RMC1: variants seen among roughly 807,000 people sequenced by gnomAD.
RMC1 encodes the protein regulator of MON1-CCZ1.
In RMC1, 44 loss-of-function variants were observed where a neutral mutation model predicts 95.5. That is an observed-to-expected ratio of 0.46 (90% confidence interval 0.36 to 0.59). RMC1 has a LOEUF of 0.59. RMC1 is among the 20% of genes least tolerant of loss of function. RMC1 has a pLI of 0.00. For missense variants in RMC1, 705 were observed against 819.6 expected (o/e 0.86, Z 1.71); for synonymous variants, 320 against 303.6 (o/e 1.05, Z -0.56).
Position 23,531,756 on chromosome 18 carries a change from A to AT in RMC1, c.*54dup. On this transcript the variant is annotated 3_prime_UTR_variant, in exon 20 of 20. Transcript: ENST00000269221. Reference sequence around the variant, plus strand: ...AATGTGTACAAAGTTAATTTATTGCATTAATAAAGCTCTTTAAACTATAAA... The same window carrying AT: ...AATGTGTACAAAGTTAATTTATTGCATTTAATAAAGCTCTTTAAACTATAAA... 1 of 1,585,964 alleles carries AT rather than the reference A, an allele frequency of 6.3e-7. No homozygotes were observed. Among genetic ancestry groups the AT allele is most frequent in the African/African-American group, 1.4e-5 (1 of 73,300 alleles).
chr18:23,503,745 C>T (rs755615292), intron 1 of RMC1, 25 bp downstream of exon 1: 4 of 1,576,252 alleles, frequency 2.5e-6, no homozygotes, highest in Non-Finnish European at 3.4e-6. Context: ...CGCTTCCTCC[C>T]CCGCGCGGCC....
At chr18:23,529,831 C>T in intron 16 of RMC1, 119 bp downstream of exon 16, 1 of 1,120,826 alleles carries the variant, frequency 8.9e-7, no homozygotes, top group East Asian at 2.3e-5. Context: ...ACTCAGAATG[C>T]TGAGTGACTC....
intron 1 of RMC1, 26 bp downstream of exon 1, chr18:23,503,746 C>CG (rs2057648705): frequency 1.3e-6 from 2 of 1,578,156 alleles, no homozygotes; most frequent in African/African-American, 2.8e-5. Flanking sequence ...GCTTCCTCCC[C>CG]CGCGCGGCCC....
intron 13 of RMC1, among the ~76,000 whole-genome samples, chr18:23,527,345 GC>G (rs1381025755): frequency 3.9e-5 from 6 of 151,916 alleles, no homozygotes; most frequent in African/African-American, 1.5e-4. Flanking sequence ...GCTGCAGCGA[GC>G]CGTTTGTGTC....
intron 10 of RMC1, chr18:23,522,853 G>A (rs2058180184): frequency 6.8e-6 from 1 of 147,594 alleles, no homozygotes; most frequent in Admixed American, 6.9e-5. Flanking sequence ...ATGCATCCGT[G>A]TGTCTTGCCC....
Position 23,529,232 on chromosome 18 carries a change from G to C in RMC1, c.1350G>C (p.Arg450=). The C allele has an allele frequency of 1.2e-6, 2 of 1,614,102 alleles. No individual in the cohort carries two copies. Among genetic ancestry groups the C allele is most frequent in the Middle Eastern group, 1.7e-4 (1 of 6,060 alleles). The change falls in exon 15 of 20, where the codon CGG becomes CGC. Residue 450 remains arginine (R), a synonymous_variant. Transcript: ENST00000269221. ...RSSPLLKRPV[R]TQAVLDQSDV... ...GCCCGCTCCTCAAGAGGCCGGTGCG[G>C]ACCCAGGCGGTGCTGGACCAGTCAG...
Position 23,503,861 on chromosome 18 carries a change from C to T in RMC1, c.102+141C>T, listed in dbSNP as rs1295149022. 7 of 695,842 alleles carry T rather than the reference C, an allele frequency of 1.0e-5. No individual in the cohort carries two copies. The South Asian group carries it at 1.4e-4, about 14-fold the overall frequency. 43.1% of individuals were successfully genotyped at this position (695,842 alleles called of 1,614,324 possible). A position where few individuals can be genotyped will look rare whatever the true frequency, so the allele number is the denominator to read the frequency against. On this transcript the variant is annotated intron_variant, in intron 1 of 19. Transcript: ENST00000269221. ...CCAGCGCGGGAGGCGGCGCGCGCTC[C>T]TTCCTTGTTGGGTGGGCTCAGCCGC...
chr18:23,529,618 C>G lies in RMC1; in HGVS notation c.1417-17C>G. ...CACCTCGTTGGTATTTGTAAGACCACATTTTTTTCTCCCTAGGAGATGCCT... is the reference window on the plus strand; with the variant it reads ...CACCTCGTTGGTATTTGTAAGACCAGATTTTTTTCTCCCTAGGAGATGCCT... On this transcript the variant is annotated splice_polypyrimidine_tract_variant and intron_variant, in intron 15 of 19. Coordinates refer to ENST00000269221, the MANE Select transcript of RMC1 (RefSeq NM_013326.5). 1 of 1,610,268 alleles carries G rather than the reference C, an allele frequency of 6.2e-7. No homozygotes were observed. Among genetic ancestry groups the G allele is most frequent in the Non-Finnish European group, 8.5e-7 (1 of 1,176,568 alleles).
At position 23,524,165 on chromosome 18, in the gene RMC1, T is replaced by C. The variant is rs1208985494; in HGVS notation, c.997T>C (p.Cys333Arg). ...CGTGACCAGCCAGTCTCCTGTTCCA[T>C]GTAAACTCTGTATCCTTTACTAAGG... ...AAVTSQSPVP[C>R]KLYSSSWIVF... is the part of the protein sequence containing the mutation. The change falls in exon 11 of 20, where the codon TGT becomes CGT. Residue 333 changes from cysteine to arginine, a missense_variant. Transcript: ENST00000269221. 6.2e-7 allele frequency: 1 copy of C among 1,613,788 alleles called. No homozygotes were observed. The highest frequency in any genetic ancestry group is 1.3e-5 in the African/African-American group (1 of 74,944).
chr18:23,520,082 T>C, intron 9 of RMC1, 120 bp from the exon 10 acceptor site: 1 of 716,526 alleles, frequency 1.4e-6, no homozygotes, highest in Non-Finnish European at 2.5e-6. Flanking sequence ...AGCTAGCCTG[T>C]AGGGAGGAAA....
Position 23,530,454 on chromosome 18 carries a change from TA to T in RMC1, c.1738del (p.Arg580GlyfsTer18). The T allele has an allele frequency of 6.2e-7, 1 of 1,614,270 alleles. No homozygotes were observed. Among genetic ancestry groups the T allele is most frequent in the Non-Finnish European group, 8.5e-7 (1 of 1,180,050 alleles). Reference sequence around the variant, plus strand: ...TCCAAACACCAAGTGTTAGCTGCCTTAAGGTTTATCCGGGGCATTGGTGGCC... The same window carrying T: ...TCCAAACACCAAGTGTTAGCTGCCTTAGGTTTATCCGGGGCATTGGTGGCC... ...LLSKHQVLAALRFIRGIGGHD... is the reference protein window; with the variant it reads ...LLSKHQVLAAXRFIRGIGGHD... On this transcript the variant is annotated frameshift_variant, in exon 19 of 20. Transcript: ENST00000269221. LOFTEE classifies it high-confidence loss of function.
At chr18:23,510,901 G>C (rs1328077943) in intron 5 of RMC1, among the ~76,000 whole-genome samples, 1 of 152,350 alleles carries the variant, frequency 6.6e-6, no homozygotes, top group African/African-American at 2.4e-5. Flanking sequence ...TTCAACCTTT[G>C]TGGAAAACAG....
chr18:23,512,035 T>G (rs1443575631), intron 5 of RMC1, among the ~76,000 whole-genome samples: 1 of 150,970 alleles, frequency 6.6e-6, no homozygotes, highest in Non-Finnish European at 1.5e-5. Flanking sequence ...TTTTTTTTTT[T>G]TCTGAGACAG....
At chr18:23,525,426 A>G (rs1210262577) in intron 12 of RMC1, among the ~76,000 whole-genome samples, 1 of 150,702 alleles carries the variant, frequency 6.6e-6, no homozygotes, top group Non-Finnish European at 1.5e-5. Context: ...TTATTATAAT[A>G]ATAATAATAA....
At position 23,526,780 on chromosome 18, in the gene RMC1, TC is replaced by T. The variant is rs1335117975; in HGVS notation, c.1189+20del. 2.5e-6 allele frequency: 4 copies of T among 1,611,892 alleles called. No individual in the cohort carries two copies. Among genetic ancestry groups the T allele is most frequent in the Non-Finnish European group, 2.5e-6 (3 of 1,179,020 alleles). On this transcript the variant is annotated intron_variant, in intron 13 of 19. Transcript: ENST00000269221. ...CTGTTCACAGAGTAAGTTGAATCCTTCCCCCTTGCTCTGATTCCAGTGTGAG... is the reference window on the plus strand; with the variant it reads ...CTGTTCACAGAGTAAGTTGAATCCTTCCCCTTGCTCTGATTCCAGTGTGAG...
At chr18:23,530,002 C>G in intron 16 of RMC1, 26 bp from the exon 17 acceptor site, 1 of 1,581,070 alleles carries the variant, frequency 6.3e-7, no homozygotes, top group Non-Finnish European at 8.7e-7. Context: ...TGGAAGTGTT[C>G]TTTCACTTTT....
At chr18:23,531,159 T>G (rs757245846) in intron 19 of RMC1, among the ~76,000 whole-genome samples, 15 of 152,014 alleles carry the variant, frequency 9.9e-5, no homozygotes, top group Non-Finnish European at 2.2e-4. Context: ...CCCGGCTGAT[T>G]TTTGTATTTT....
At chr18:23,524,930 A>G (rs981349618) in intron 12 of RMC1, among the ~76,000 whole-genome samples, 14 of 112,524 alleles carry the variant, frequency 1.2e-4, no homozygotes, top group African/African-American at 3.7e-4. Context: ...TAATCTCTTT[A>G]TTAGAGAAAT....
At position 23,527,724 on chromosome 18, in the gene RMC1, A is replaced by T; in HGVS notation, c.1190-71A>T. ...ACCTTTTGAGATTAGTTTTTATCAT[A>T]GCAACGTGTGGAAATTCTGAAGCTG... is the stretch of plus-strand genomic sequence containing the variant. On this transcript the variant is annotated intron_variant, in intron 13 of 19. Coordinates refer to ENST00000269221, the MANE Select transcript of RMC1 (RefSeq NM_013326.5). 17 of 1,220,150 alleles carry T rather than the reference A, an allele frequency of 1.4e-5. No individual in the cohort carries two copies. The South Asian group carries it at 1.9e-4, about 14-fold the overall frequency. The allele number at this position is 1,220,150 out of a possible 1,614,324, so 75.6% of individuals were successfully genotyped here. A position where few individuals can be genotyped will look rare whatever the true frequency, so the allele number is the denominator to read the frequency against.
Sources: gnomAD v4.1 joint callset for allele counts (sites outside exome capture counted in the v4.1 genomes callset) on GRCh38, gnomAD v4.1.1 for gene constraint, MANE v1.5 for transcripts, NCBI Gene and HGNC (gene_info 2026-07-23, HGNC 2026-07-21) for gene names.